Variants in RORB observed in about 807,000 individuals in gnomAD.
The protein encoded by RORB is RAR related orphan receptor B.
A neutral mutation model predicts 59.1 loss-of-function variants in RORB; 6 were observed. The ratio of observed to expected loss-of-function variants is 0.10; its 90% confidence interval spans 0.06 to 0.20. The LOEUF is 0.20. RORB is among the 10% of genes least tolerant of loss of function. RORB has a pLI of 1.00. For missense variants in RORB, 320 were observed against 560.5 expected (o/e 0.57, Z 4.33); for synonymous variants, 215 against 204.5 (o/e 1.05, Z -0.44).
intron 1 of RORB, among the ~76,000 whole-genome samples, chr9:74,566,609 C>T (rs2118210957): frequency 6.6e-6 from 1 of 152,166 alleles, no homozygotes; most frequent in Admixed American, 6.5e-5. Flanking sequence ...CTAGCCTGGC[C>T]AACATGGTGA....
At chr9:74,675,224 A>G (rs1029317823) in intron 9 of RORB, among the ~76,000 whole-genome samples, 6 of 151,848 alleles carry the variant, frequency 4.0e-5, no homozygotes, top group Non-Finnish European at 7.4e-5. Flanking sequence ...GCTATAAATA[A>G]TAGTTAGATT....
intron 1 of RORB, among the ~76,000 whole-genome samples, chr9:74,535,452 G>A (rs907943111): frequency 2.0e-5 from 3 of 151,798 alleles, no homozygotes; most frequent in African/African-American, 7.3e-5. Context: ...AAAAAATCTT[G>A]GAATAAATTT....
At chr9:74,635,497 G>A (rs1370452081) in intron 3 of RORB, among the ~76,000 whole-genome samples, 2 of 152,128 alleles carry the variant, frequency 1.3e-5, no homozygotes, top group Non-Finnish European at 1.5e-5. Flanking sequence ...TTTGTTTTCC[G>A]TTTTCATTCA....
intron 1 of RORB, among the ~76,000 whole-genome samples, chr9:74,539,648 A>G (rs1380391795): frequency 6.6e-6 from 1 of 152,166 alleles, no homozygotes; most frequent in East Asian, 1.9e-4. Flanking sequence ...CAGCAACAAA[A>G]AAATGATACA....
At chr9:74,683,849 A>C (rs1324939573) in intron 9 of RORB, among the ~76,000 whole-genome samples, 1 of 152,188 alleles carries the variant, frequency 6.6e-6, no homozygotes, top group Non-Finnish European at 1.5e-5. Flanking sequence ...AGTAGACTAC[A>C]AACAAGAGTC....
chr9:74,637,120 T>C (rs914329388), intron 3 of RORB, among the ~76,000 whole-genome samples: 1 of 152,192 alleles, frequency 6.6e-6, no homozygotes, highest in Non-Finnish European at 1.5e-5. Context: ...CTTAAAGTGC[T>C]CTAGAAATTG....
chr9:74,541,183 G>T (rs908393771), intron 1 of RORB, among the ~76,000 whole-genome samples: 3 of 145,408 alleles, frequency 2.1e-5, no homozygotes, highest in African/African-American at 7.7e-5. Flanking sequence ...AGGAGGCTGA[G>T]GCACGAAAAT....
At chr9:74,498,046 T>TG in intron 1 of RORB, 63 bp downstream of exon 1, 1 of 1,583,164 alleles carries the variant, frequency 6.3e-7, no homozygotes, top group Non-Finnish European at 8.6e-7. Flanking sequence ...GACGGGGAGA[T>TG]GGGGGAGGGG....
intron 1 of RORB, among the ~76,000 whole-genome samples, chr9:74,595,529 C>A (rs183322539): frequency 7.2e-5 from 11 of 152,304 alleles, no homozygotes; most frequent in Admixed American, 5.9e-4. Context: ...TTACTGTCTG[C>A]CAATTAAAGC....
intron 1 of RORB, among the ~76,000 whole-genome samples, chr9:74,616,713 C>T (rs903264878): frequency 2.0e-5 from 3 of 152,042 alleles, no homozygotes; most frequent in Non-Finnish European, 2.9e-5. Context: ...TAAGCAGGGG[C>T]TCACAGGTGA....
At chr9:74,666,533 T>G (rs191801573) in intron 7 of RORB, among the ~76,000 whole-genome samples, 4 of 151,964 alleles carry the variant, frequency 2.6e-5, no homozygotes, top group African/African-American at 7.2e-5. Context: ...GGCTGAATTA[T>G]AGATCATTCT....
intron 1 of RORB, among the ~76,000 whole-genome samples, chr9:74,593,782 G>A (rs1320566935): frequency 6.6e-6 from 1 of 152,042 alleles, no homozygotes; most frequent in African/African-American, 2.4e-5. Context: ...GCAAACAGAG[G>A]AACAGAGACC....
At chr9:74,544,155 C>T (rs1357863465) in intron 1 of RORB, among the ~76,000 whole-genome samples, 1 of 152,204 alleles carries the variant, frequency 6.6e-6, no homozygotes, top group Non-Finnish European at 1.5e-5. Flanking sequence ...CTCCTCCAAA[C>T]ACTCTCAGGC....
chr9:74,608,336 C>A (rs979137540), intron 1 of RORB, among the ~76,000 whole-genome samples: 1 of 151,952 alleles, frequency 6.6e-6, no homozygotes, highest in African/African-American at 2.4e-5. Flanking sequence ...GAGGCCGAGG[C>A]GGGCGGATCA....
At chr9:74,655,097 T>C (rs1824058367) in intron 4 of RORB, among the ~76,000 whole-genome samples, 2 of 152,196 alleles carry the variant, frequency 1.3e-5, no homozygotes, top group Non-Finnish European at 1.5e-5. Flanking sequence ...TCTATATCAT[T>C]ATATTAACTA....
intron 1 of RORB, among the ~76,000 whole-genome samples, chr9:74,551,092 G>A (rs966125378): frequency 3.3e-5 from 5 of 152,044 alleles, no homozygotes; most frequent in Admixed American, 1.3e-4. Context: ...GAACAGTGCC[G>A]ATCTAGAGAT....
chr9:74,556,731 T>C (rs1284445503), intron 1 of RORB, among the ~76,000 whole-genome samples: 3 of 152,126 alleles, frequency 2.0e-5, no homozygotes, highest in African/African-American at 7.2e-5. Flanking sequence ...ACCTATATGC[T>C]GTAGTGGGTG....
intron 1 of RORB, among the ~76,000 whole-genome samples, chr9:74,511,857 A>G (rs1343040918): frequency 6.6e-6 from 1 of 151,446 alleles, no homozygotes. Context: ...ACCAGACACT[A>G]TCTTAAGGTT....
At position 74,580,180 on chromosome 9, in the gene RORB, G is replaced by T. The variant is rs139499929; in HGVS notation, c.8-50102G>T. ...CCCGTTTGAATAAGTGGTGACGACCGTATTTAGCAGGAGTAAAATTTGGAA... is the reference window on the plus strand; with the variant it reads ...CCCGTTTGAATAAGTGGTGACGACCTTATTTAGCAGGAGTAAAATTTGGAA... On this transcript the variant is annotated intron_variant, in intron 1 of 9. Coordinates refer to ENST00000376896, the MANE Select transcript of RORB (RefSeq NM_006914.4). Among the ~76,000 whole-genome samples, 120 of 152,054 alleles carry T rather than the reference G, an allele frequency of 7.9e-4. 1 individual carries two copies. Among genetic ancestry groups the T allele is most frequent in the Non-Finnish European group, 2.2e-4 (15 of 67,988 alleles).
Sources: gnomAD v4.1 joint callset for allele counts (sites outside exome capture counted in the v4.1 genomes callset) on GRCh38, gnomAD v4.1.1 for gene constraint, MANE v1.5 for transcripts, NCBI Gene and HGNC (gene_info 2026-07-23, HGNC 2026-07-21) for gene names.